The following MED6 variants were observed in gnomAD, a reference collection of about 807,000 sequenced individuals.
The protein encoded by MED6 is mediator of RNA polymerase II transcription subunit 6.
A neutral mutation model predicts 37.5 loss-of-function variants in MED6; 33 were observed. The observed-to-expected ratio is 0.88, with a 90% confidence interval of 0.67 to 1.18. The LOEUF is 1.18. MED6 is among the 50% of genes most tolerant of loss of function. The pLI, the probability that MED6 is intolerant of heterozygous loss-of-function variation, is 0.00. For synonymous variants in MED6, 94 were observed against 93.6 expected, an observed-to-expected ratio of 1.00 and a Z score of -0.02; for missense variants, 235 against 290.6, an observed-to-expected ratio of 0.81 and a Z score of 1.39.
intron 3 of MED6, among the ~76,000 whole-genome samples, chr14:70,594,356 T>C (rs1194253769): frequency 6.6e-6 from 1 of 152,212 alleles, no homozygotes; most frequent in Non-Finnish European, 1.5e-5. Flanking sequence ...TTTCAGTAGG[T>C]AGTATAACCC....
intron 6 of MED6, among the ~76,000 whole-genome samples, chr14:70,586,744 A>G (rs759510113): frequency 6.6e-6 from 1 of 152,174 alleles, no homozygotes; most frequent in Non-Finnish European, 1.5e-5. Flanking sequence ...GTTCATGCTG[A>G]CAACTGCCAA....
intron 3 of MED6, chr14:70,595,175 G>C (rs1359318492): frequency 3.7e-6 from 2 of 536,414 alleles, no homozygotes; most frequent in Non-Finnish European, 7.4e-6. Context: ...AGGAGGAGCT[G>C]CTCTTCATGA....
chr14:70,598,470 G>A (rs144797514), intron 1 of MED6, among the ~76,000 whole-genome samples: 58 of 151,742 alleles, frequency 3.8e-4, no homozygotes, highest in South Asian at 2.1e-4. Flanking sequence ...GCGAGACTCC[G>A]TCTCAAAAAA....
At chr14:70,600,237 C>A (rs539996134) in intron 1 of MED6, among the ~76,000 whole-genome samples, 3 of 152,104 alleles carry the variant, frequency 2.0e-5, no homozygotes, top group Non-Finnish European at 4.4e-5. Context: ...ATGCCAAGTC[C>A]CAAGAGATGA....
chr14:70,587,092 A>C (rs1428070498), intron 6 of MED6, among the ~76,000 whole-genome samples: 1 of 152,188 alleles, frequency 6.6e-6, no homozygotes, highest in African/African-American at 2.4e-5. Context: ...AACTCCAAAA[A>C]CACACCTTGG....
intron 3 of MED6, chr14:70,595,436 A>G: frequency 1.7e-6 from 1 of 585,982 alleles, no homozygotes; most frequent in Non-Finnish European, 3.2e-6. Flanking sequence ...CGGAGCTGAG[A>G]GGTACGGTCC....
At chr14:70,593,177 C>T (rs1323839432) in intron 4 of MED6, 119 bp downstream of exon 4, 5 of 1,210,546 alleles carry the variant, frequency 4.1e-6, no homozygotes, top group Non-Finnish European at 5.9e-6. Flanking sequence ...TCAAGACATT[C>T]TAATAGTCAA....
At chr14:70,585,259 C>T (rs1225388235) in intron 7 of MED6, among the ~76,000 whole-genome samples, 2 of 152,138 alleles carry the variant, frequency 1.3e-5, no homozygotes, top group Non-Finnish European at 2.9e-5. Flanking sequence ...TAACAGAAAA[C>T]ATCATTGTGT....
chr14:70,592,727 T>G, intron 5 of MED6, 153 bp downstream of exon 5: 2 of 696,758 alleles, frequency 2.9e-6, no homozygotes, highest in South Asian at 3.8e-5. Flanking sequence ...TATTACCACA[T>G]CTAGTTACAT....
At chr14:70,600,212 A>G (rs1432099615) in intron 1 of MED6, among the ~76,000 whole-genome samples, 1 of 152,180 alleles carries the variant, frequency 6.6e-6, no homozygotes, top group African/African-American at 2.4e-5. Flanking sequence ...CGGTCTAAAG[A>G]ATTAGGCAGC....
intron 6 of MED6, among the ~76,000 whole-genome samples, chr14:70,589,757 C>G (rs1884816883): frequency 6.6e-6 from 1 of 152,160 alleles, no homozygotes; most frequent in Non-Finnish European, 1.5e-5. Context: ...GACCTTAATC[C>G]ATTTTTTAAG....
rs748035987 is a variant in MED6 at position 70,596,641 on chromosome 14, G to A, written c.244C>T (p.Arg82Trp). 1.2e-4 allele frequency: 201 copies of A among 1,613,676 alleles called. No individual in the cohort carries two copies. The highest frequency in any genetic ancestry group is 1.6e-4 in the Non-Finnish European group (193 of 1,179,802). The change falls in exon 3 of 8, where the codon CGG becomes TGG. Residue 82 changes from arginine to tryptophan, a missense_variant. Arg to Trp is a moderately radical substitution (Grantham distance 101). Coordinates refer to ENST00000256379, the MANE Select transcript of MED6 (RefSeq NM_005466.4). Reference protein sequence around the residue: ...HAQEPILFIIRKQQRQSPAQV... With the variant: ...HAQEPILFIIWKQQRQSPAQV... The stretch of plus-strand genomic sequence containing the variant: ...GCAGGGGACTGCCGCTGTTGCTTCC[G>A]AATGATGAAAAGAATGGGCTCTTGA...
At position 70,584,855 on chromosome 14, in the gene MED6, C is replaced by T. The variant is rs763974302; in HGVS notation, c.699G>A (p.Val233=). ...GTTTTTCAGGGGGGCCTTTAGCACTCACTGTCTGTTGTACATTCTTTGTGG... is the reference window on the plus strand; with the variant it reads ...GTTTTTCAGGGGGGCCTTTAGCACTTACTGTCTGTTGTACATTCTTTGTGG... ...KETTKNVQQT[V]SAKGPPEKRM... is the part of the protein sequence containing the mutation. Residue 233 remains valine (V), a synonymous_variant, in exon 8 of 8, where the codon GTG becomes GTA. Coordinates refer to ENST00000256379, the MANE Select transcript of MED6 (RefSeq NM_005466.4). The T allele has an allele frequency of 6.2e-7, 1 of 1,614,186 alleles. No homozygotes were observed. Among genetic ancestry groups the T allele is most frequent in the Admixed American group, 1.7e-5 (1 of 60,020 alleles).
In MED6 at chr14:70,584,626, A is replaced by C. The variant is rs549575760; in HGVS notation, c.*187T>G. On this transcript the variant is annotated 3_prime_UTR_variant, in exon 8 of 8. Transcript: ENST00000256379. The stretch of plus-strand genomic sequence containing the variant: ...TCTGACCTCAAGTGATCCACCCGCC[A>C]TGGCCTCCCAAAGTGCTGGGATTAC... 2.6e-3 allele frequency: 1,603 copies of C among 624,158 alleles called. 5 individuals are homozygous for C. The highest frequency in any genetic ancestry group is 3.8e-3 in the Non-Finnish European group (1,482 of 392,244). The allele number at this position is 624,158 out of a possible 1,614,324, so 38.7% of individuals were successfully genotyped here.
At position 70,597,733 on chromosome 14, in the gene MED6, T is replaced by C. The variant is rs188112044; in HGVS notation, c.67A>G (p.Ile23Val). The change falls in exon 2 of 8, where the codon ATT (isoleucine) becomes GTT (valine). Residue 23 changes from isoleucine to valine, a missense_variant. By Grantham distance (29) the Ile-to-Val change is conservative. Coordinates refer to ENST00000256379, the MANE Select transcript of MED6 (RefSeq NM_005466.4). ...TCCAGGACACTACCACTGTTCAAAA[T>C]AGGGATCCAAGAGCTGTCAACCCAA... Reference protein sequence around the residue: ...ISWVDSSWIPILNSGSVLDYF... With the variant: ...ISWVDSSWIPVLNSGSVLDYF... 7 of 1,557,600 alleles carry C rather than the reference T, an allele frequency of 4.5e-6. No homozygotes were observed. The Admixed American group carries it at 1.1e-4, about 25-fold the overall frequency.
chr14:70,589,319 G>C (rs886382737), intron 6 of MED6, among the ~76,000 whole-genome samples: 1 of 152,018 alleles, frequency 6.6e-6, no homozygotes, highest in African/African-American at 2.4e-5. Context: ...CACAATTTAA[G>C]TGCCCTGACT....
chr14:70,586,067 C>T (rs1015583616), intron 6 of MED6, among the ~76,000 whole-genome samples: 2 of 152,212 alleles, frequency 1.3e-5, no homozygotes, highest in Admixed American at 1.3e-4. Context: ...AAGACTTCCA[C>T]CTCCACACCC....
Position 70,597,698 on chromosome 14 carries a change from T to C in MED6, c.102A>G (p.Ser34=). 6.4e-7 allele frequency: 1 copy of C among 1,563,810 alleles called. No homozygotes were observed. The change falls in exon 2 of 8, where the codon TCA becomes TCG. Residue 34 remains serine, a synonymous_variant. Coordinates refer to ENST00000256379, the MANE Select transcript of MED6 (RefSeq NM_005466.4). The stretch of plus-strand genomic sequence containing the variant: ...TGTCATAAAAAGGATTACTTCTTTC[T>C]GAAAAGTAATCCAGGACACTACCAC... ...LNSGSVLDYF[S]ERSNPFYDRT... is the part of the protein sequence containing the mutation.
intron 6 of MED6, among the ~76,000 whole-genome samples, chr14:70,589,841 T>C (rs1274499033): frequency 6.6e-6 from 1 of 152,224 alleles, no homozygotes; most frequent in African/African-American, 2.4e-5. Context: ...TTTCTGAACA[T>C]ATGTTCACTA....
Sources: allele counts gnomAD v4.1 joint callset (sites outside exome capture counted in the v4.1 genomes callset), GRCh38; gene constraint gnomAD v4.1.1; transcripts MANE v1.5; gene names NCBI Gene and HGNC (gene_info 2026-07-23, HGNC 2026-07-21).